SLCO1B3: variants seen among roughly 807,000 people sequenced by gnomAD.
SLCO1B3 encodes the protein solute carrier organic anion transporter family member 1B3, also known as liver-specific organic anion transporter 2.
A neutral mutation model predicts 71.8 loss-of-function variants in SLCO1B3; 72 were observed. That is an observed-to-expected ratio of 1.00 (90% confidence interval 0.83 to 1.22). The LOEUF is 1.22. SLCO1B3 is among the 50% of genes most tolerant of loss of function. SLCO1B3 has a pLI of 0.00. For synonymous variants in SLCO1B3, 298 were observed against 278.4 expected, an observed-to-expected ratio of 1.07 and a Z score of -0.70; for missense variants, 911 against 819.7, an observed-to-expected ratio of 1.11 and a Z score of -1.36.
rs557499250 is a variant in SLCO1B3 at position 20,823,431 on chromosome 12, C to A, written c.84+7609C>A. ...GTAGAAAATAATAAAAACTGATAAA[C>A]CTTAGGCAAGACTAGAATCAAACAA... On this transcript the variant is annotated intron_variant, in intron 3 of 15. Coordinates refer to ENST00000381545, the MANE Select transcript of SLCO1B3 (RefSeq NM_019844.4). Among the ~76,000 whole-genome samples the A allele has an allele frequency of 5.9e-5, 9 of 152,140 alleles. No homozygotes were observed. In the East Asian group the frequency reaches 1.4e-3, roughly 23 times the overall value.
At chr12:20,828,368 T>A (rs1864470886) in intron 3 of SLCO1B3, among the ~76,000 whole-genome samples, 1 of 151,060 alleles carries the variant, frequency 6.6e-6, no homozygotes, top group Non-Finnish European at 1.5e-5. Flanking sequence ...ACTTGTCTGA[T>A]TGCACTCTTG....
intron 13 of SLCO1B3, among the ~76,000 whole-genome samples, chr12:20,894,764 T>G (rs943722206): frequency 6.6e-6 from 1 of 152,220 alleles, no homozygotes; most frequent in Admixed American, 6.5e-5. Context: ...TCTACTGATT[T>G]CTTCTTGACC....
chr12:20,888,991 C>A (rs1865848783), intron 13 of SLCO1B3, among the ~76,000 whole-genome samples: 1 of 151,800 alleles, frequency 6.6e-6, no homozygotes, highest in Non-Finnish European at 1.5e-5. Flanking sequence ...TTGTGAATCA[C>A]ATTTTTGATT....
At chr12:20,898,151 T>A (rs1866052754) in intron 13 of SLCO1B3, among the ~76,000 whole-genome samples, 1 of 152,152 alleles carries the variant, frequency 6.6e-6, no homozygotes. Flanking sequence ...ATAAAGTCTA[T>A]TCCAACCACT....
chr12:20,828,826 A>G (rs1221154457), intron 3 of SLCO1B3, among the ~76,000 whole-genome samples: 1 of 152,222 alleles, frequency 6.6e-6, no homozygotes, highest in African/African-American at 2.4e-5. Context: ...GGATTTAGGA[A>G]CCAAACCCAG....
intron 11 of SLCO1B3, among the ~76,000 whole-genome samples, chr12:20,880,525 T>A (rs1865668515): frequency 6.6e-6 from 1 of 152,084 alleles, no homozygotes; most frequent in Non-Finnish European, 1.5e-5. Flanking sequence ...TAAAGTTTCA[T>A]TGATAGAATG....
At chr12:20,815,638 A>T (rs1864178799) in intron 2 of SLCO1B3, 36 bp from the exon 3 acceptor site, 1 of 734,618 alleles carries the variant, frequency 1.4e-6, no homozygotes, top group African/African-American at 1.8e-5. Context: ...GTATATTGTT[A>T]AAGTAAAATA....
chr12:20,824,489 CA>C (rs1864382109), intron 3 of SLCO1B3, among the ~76,000 whole-genome samples: 1 of 152,082 alleles, frequency 6.6e-6, no homozygotes, highest in South Asian at 2.1e-4. Context: ...TAAAGTAAAA[CA>C]ACAATTGTGA....
At position 20,890,795 on chromosome 12, in the gene SLCO1B3, T is replaced by G. The variant is rs2121338289; in HGVS notation, c.1682+7193T>G. On this transcript the variant is annotated intron_variant, in intron 13 of 15. Transcript: ENST00000381545. ...TTTGTCATTATTTATGGTTTTTGAT[T>G]TGAAATTTGTTTTATCTAATGCCAG... is the stretch of plus-strand genomic sequence containing the variant. 2.0e-5 allele frequency among the ~76,000 whole-genome samples: 3 copies of G among 152,310 alleles called. No individual in the cohort carries two copies. In the South Asian group the frequency reaches 6.2e-4, roughly 32 times the overall value.
chr12:20,914,929 G>T (rs1267235605), intron 15 of SLCO1B3, among the ~76,000 whole-genome samples: 1 of 151,898 alleles, frequency 6.6e-6, no homozygotes, highest in African/African-American at 2.4e-5. Context: ...GTTTCTTTCA[G>T]GATGTTTTCT....
chr12:20,870,282 T>C (rs1484030563), intron 8 of SLCO1B3, among the ~76,000 whole-genome samples: 3 of 152,164 alleles, frequency 2.0e-5, no homozygotes, highest in Non-Finnish European at 4.4e-5. Context: ...ATTCCGTATG[T>C]TGCCTTTTCA....
At chr12:20,891,133 G>T (rs1039458531) in intron 13 of SLCO1B3, among the ~76,000 whole-genome samples, 7 of 152,016 alleles carry the variant, frequency 4.6e-5, no homozygotes, top group Non-Finnish European at 8.8e-5. Flanking sequence ...TATACTTTGT[G>T]TGTTTCCATA....
intron 15 of SLCO1B3, among the ~76,000 whole-genome samples, chr12:20,913,619 C>T (rs1866430518): frequency 6.6e-6 from 1 of 152,100 alleles, no homozygotes; most frequent in Non-Finnish European, 1.5e-5. Flanking sequence ...TAGGTACTCC[C>T]ATTTTCTTTT....
chr12:20,833,879 TATG>T (rs1864607883), intron 3 of SLCO1B3, among the ~76,000 whole-genome samples: 4 of 124,780 alleles, frequency 3.2e-5, no homozygotes, highest in Non-Finnish European at 7.2e-5. Context: ...ATATATAGTG[TATG>T]TATACAATAT....
intron 3 of SLCO1B3, among the ~76,000 whole-genome samples, chr12:20,848,348 TATG>T (rs1864956436): frequency 6.6e-6 from 1 of 152,052 alleles, no homozygotes; most frequent in African/African-American, 2.4e-5. Context: ...TGCTGGCAAA[TATG>T]AGGAGCAACC....
At chr12:20,864,839 GACATA>G (rs1426782855) in intron 8 of SLCO1B3, among the ~76,000 whole-genome samples, 1 of 152,082 alleles carries the variant, frequency 6.6e-6, no homozygotes, top group Non-Finnish European at 1.5e-5. Flanking sequence ...AGGATCCAAA[GACATA>G]ACATAAATGA....
chr12:20,888,237 A>G (rs1370321201), intron 13 of SLCO1B3, among the ~76,000 whole-genome samples: 3 of 151,562 alleles, frequency 2.0e-5, no homozygotes, highest in African/African-American at 7.3e-5. Flanking sequence ...TTTAGGATTT[A>G]CATTGGTAAT....
At chr12:20,875,538 A>G in intron 9 of SLCO1B3, 61 bp downstream of exon 9, 3 of 1,513,876 alleles carry the variant, frequency 2.0e-6, no homozygotes, top group Non-Finnish European at 2.7e-6. Context: ...CGGAGAAGTG[A>G]GTAAAAAAAA....
chr12:20,875,137 C>T (rs1270988748), intron 8 of SLCO1B3, 98 bp from the exon 9 acceptor site: 5 of 1,377,984 alleles, frequency 3.6e-6, no homozygotes, highest in African/African-American at 2.9e-5. Flanking sequence ...GGTTTACTTT[C>T]TTCATCTATG....
Sources: allele counts gnomAD v4.1 joint callset (sites outside exome capture counted in the v4.1 genomes callset), GRCh38; gene constraint gnomAD v4.1.1; transcripts MANE v1.5; gene names NCBI Gene and HGNC (gene_info 2026-07-23, HGNC 2026-07-21).